Variants in PTPRT observed in about 807,000 individuals in gnomAD.
PTPRT encodes protein tyrosine phosphatase receptor type T, also known as receptor-type tyrosine-protein phosphatase T.
A neutral mutation model predicts 176.8 loss-of-function variants in PTPRT; 56 were observed. The observed-to-expected ratio is 0.32, with a 90% CI of 0.26 to 0.40. PTPRT has a LOEUF of 0.40. PTPRT is among the 10% of genes least tolerant of loss of function. The probability of loss-of-function intolerance (pLI) is 1.00; values close to 1 mark genes in which losing one functional copy is unlikely to be tolerated. For synonymous variants in PTPRT, 783 were observed against 739.0 expected (o/e 1.06, Z -0.96); for missense variants, 1,540 against 1,908.2 (o/e 0.81, Z 3.60).
intron 12 of PTPRT, 112 bp downstream of exon 12, chr20:42,315,611 G>T: frequency 7.9e-7 from 1 of 1,258,628 alleles, no homozygotes; most frequent in Non-Finnish European, 1.1e-6. Flanking sequence ...GGTAGGATTT[G>T]CCCCACGGGC....
chr20:42,217,347 C>T (rs1170124580), intron 15 of PTPRT, among the ~76,000 whole-genome samples: 1 of 147,614 alleles, frequency 6.8e-6, no homozygotes, highest in Admixed American at 6.8e-5. Flanking sequence ...TGCACTCCAG[C>T]CTGGGGGATA....
chr20:43,061,871 C>A (rs1600683708), intron 1 of PTPRT, among the ~76,000 whole-genome samples: 1 of 152,216 alleles, frequency 6.6e-6, no homozygotes, highest in East Asian at 1.9e-4. Context: ...GGCAGAACAA[C>A]TCTTGCCTAA....
intron 6 of PTPRT, among the ~76,000 whole-genome samples, chr20:42,708,740 T>C (rs1274664824): frequency 1.3e-5 from 2 of 152,218 alleles, no homozygotes; most frequent in Non-Finnish European, 2.9e-5. Flanking sequence ...ATTATGAATG[T>C]ATTACTTAAT....
At chr20:43,183,487 A>T (rs989248829) in intron 1 of PTPRT, among the ~76,000 whole-genome samples, 1 of 152,218 alleles carries the variant, frequency 6.6e-6, no homozygotes, top group Admixed American at 6.5e-5. Context: ...ACATAAGTCT[A>T]ACTTCACAAA....
At chr20:42,557,867 C>G (rs2072886858) in intron 7 of PTPRT, among the ~76,000 whole-genome samples, 1 of 152,168 alleles carries the variant, frequency 6.6e-6, no homozygotes, top group South Asian at 2.1e-4. Context: ...TTCCCCTGAC[C>G]CAGGAGACCT....
chr20:42,350,950 G>A (rs1045449254), intron 10 of PTPRT, among the ~76,000 whole-genome samples: 25 of 152,186 alleles, frequency 1.6e-4, no homozygotes, highest in Admixed American at 1.4e-3. Flanking sequence ...GGGAAGGGTA[G>A]CAATGATCTG....
intron 1 of PTPRT, among the ~76,000 whole-genome samples, chr20:43,170,924 T>G (rs1305514367): frequency 6.6e-6 from 1 of 152,210 alleles, no homozygotes; most frequent in Non-Finnish European, 1.5e-5. Context: ...CTTTCGCAGC[T>G]TCGAAACTGA....
intron 2 of PTPRT, among the ~76,000 whole-genome samples, chr20:42,814,500 T>C (rs1447113726): frequency 6.6e-6 from 1 of 152,210 alleles, no homozygotes; most frequent in East Asian, 1.9e-4. Flanking sequence ...TTTCAATAAA[T>C]GTAGTTATGA....
chr20:42,771,331 T>C lies in PTPRT; in HGVS notation c.684+104A>G, dbSNP rs1167883543. The C allele has an allele frequency of 5.9e-6, 6 of 1,014,602 alleles. No homozygotes were observed. In the African/African-American group the frequency reaches 8.0e-5, roughly 13 times the overall value. 62.8% of individuals were successfully genotyped at this position (1,014,602 alleles called of 1,614,324 possible). A position where few individuals can be genotyped will look rare whatever the true frequency, so the allele number is the denominator to read the frequency against. On this transcript the variant is annotated intron_variant, in intron 5 of 30. Transcript: ENST00000373187. ...GCTAGCTGTTGTCCCCCTCTGCATG[T>C]CTTTGTTCAATACACTTGTGTTGCC...
intron 1 of PTPRT, among the ~76,000 whole-genome samples, chr20:43,133,512 G>A (rs142873853): frequency 0.02 from 3,042 of 152,200 alleles, 96 homozygotes; most frequent in African/African-American, 0.069. Flanking sequence ...TTGGGAGGCC[G>A]AGGCAGGCGG....
At chr20:42,490,027 A>G (rs2071534172) in intron 7 of PTPRT, among the ~76,000 whole-genome samples, 1 of 152,204 alleles carries the variant, frequency 6.6e-6, no homozygotes, top group South Asian at 2.1e-4. Context: ...CTGTAGAGCC[A>G]TCTCTATCAC....
At chr20:42,786,511 T>TAA (rs1337249041) in intron 3 of PTPRT, among the ~76,000 whole-genome samples, 1 of 152,154 alleles carries the variant, frequency 6.6e-6, no homozygotes, top group Non-Finnish European at 1.5e-5. Context: ...CTTCCTACGC[T>TAA]GGAAGATAGG....
chr20:42,893,161 T>C (rs1282097014), intron 1 of PTPRT, among the ~76,000 whole-genome samples: 2 of 152,002 alleles, frequency 1.3e-5, no homozygotes, highest in South Asian at 4.2e-4. Context: ...CTCAAACAAA[T>C]TTACAAGAAA....
At chr20:42,773,288 A>G (rs560491615) in intron 4 of PTPRT, among the ~76,000 whole-genome samples, 2 of 152,336 alleles carry the variant, frequency 1.3e-5, no homozygotes, top group African/African-American at 2.4e-5. Context: ...AATTAGGCAG[A>G]CTTGTTGGGA....
At chr20:42,911,317 C>T (rs1344447659) in intron 1 of PTPRT, among the ~76,000 whole-genome samples, 1 of 152,012 alleles carries the variant, frequency 6.6e-6, no homozygotes, top group South Asian at 2.1e-4. Flanking sequence ...CCAAGAAAAA[C>T]GTCTGGCACA....
rs925290606 is a variant in PTPRT, at chr20:42,756,665, A to G, written c.685-29T>C. 2.0e-6 allele frequency: 3 copies of G among 1,522,344 alleles called. No individual in the cohort carries two copies. The Admixed American group carries it at 5.7e-5, about 29-fold the overall frequency. 94.3% of individuals were successfully genotyped at this position (1,522,344 alleles called of 1,614,324 possible). The stretch of plus-strand genomic sequence containing the variant: ...CAGAACAGAGGAAGAGAGGGAGAGG[A>G]GGAATCATAGCATCATAGGCTTCTA... On this transcript the variant is annotated intron_variant, in intron 5 of 30. Coordinates refer to ENST00000373187, the MANE Select transcript of PTPRT (RefSeq NM_007050.6).
At chr20:42,300,130 T>C (rs1332226950) in intron 12 of PTPRT, among the ~76,000 whole-genome samples, 2 of 151,482 alleles carry the variant, frequency 1.3e-5, no homozygotes, top group Non-Finnish European at 2.9e-5. Flanking sequence ...TGATGGCCGG[T>C]GCCTGTAATC....
intron 1 of PTPRT, among the ~76,000 whole-genome samples, chr20:43,144,027 A>G (rs74340932): frequency 0.018 from 2,708 of 152,256 alleles, 75 homozygotes; most frequent in African/African-American, 0.061. Flanking sequence ...ATCCACAGCT[A>G]CATAGAGCAA....
chr20:42,986,330 C>T (rs1374091573), intron 1 of PTPRT, among the ~76,000 whole-genome samples: 1 of 152,170 alleles, frequency 6.6e-6, no homozygotes, highest in Non-Finnish European at 1.5e-5. Flanking sequence ...TGAGGTGTTC[C>T]CAGTGTCTCC....
Sources: allele counts gnomAD v4.1 joint callset (sites outside exome capture counted in the v4.1 genomes callset), GRCh38; gene constraint gnomAD v4.1.1; transcripts MANE v1.5; gene names NCBI Gene and HGNC (gene_info 2026-07-23, HGNC 2026-07-21).